The following TMEM135 variants were observed in gnomAD, a reference collection of about 807,000 sequenced individuals.
The protein encoded by TMEM135 is peroxisomal membrane protein 52.
In TMEM135, 30 loss-of-function variants were observed where a neutral mutation model predicts 60.3. That is an observed-to-expected ratio of 0.50 (90% CI 0.37 to 0.68). The LOEUF (loss-of-function observed/expected upper bound fraction) is 0.68. Ranked by LOEUF, TMEM135 falls within the 30% of genes least tolerant of loss-of-function variation. The probability of loss-of-function intolerance (pLI) is 0.00; values close to 1 mark genes in which losing one functional copy is unlikely to be tolerated. For missense variants in TMEM135, 468 were observed against 548.8 expected (o/e 0.85, Z 1.47); for synonymous variants, 190 against 186.7 (o/e 1.02, Z -0.14).
intron 10 of TMEM135, among the ~76,000 whole-genome samples, chr11:87,310,790 A>AT (rs145529285): frequency 8.6e-5 from 13 of 151,202 alleles, no homozygotes; most frequent in East Asian, 5.8e-4. Flanking sequence ...AAAAAAATAG[A>AT]TTTTTTTTTA....
At chr11:87,214,290 G>C (rs1036722645) in intron 5 of TMEM135, among the ~76,000 whole-genome samples, 1 of 152,200 alleles carries the variant, frequency 6.6e-6, no homozygotes, top group African/African-American at 2.4e-5. Flanking sequence ...AGGACCAGCA[G>C]GTGATCCTCT....
chr11:87,055,826 G>A (rs1230542581), intron 1 of TMEM135, among the ~76,000 whole-genome samples: 2 of 152,098 alleles, frequency 1.3e-5, no homozygotes, highest in East Asian at 3.9e-4. Context: ...CTGACCTCAA[G>A]TGATCCACCC....
intron 4 of TMEM135, among the ~76,000 whole-genome samples, chr11:87,155,462 A>C (rs1938668254): frequency 6.6e-6 from 1 of 152,188 alleles, no homozygotes. Context: ...TGTATATGGT[A>C]GAGGTAAAGG....
At chr11:87,236,454 G>A (rs1940997463) in intron 5 of TMEM135, among the ~76,000 whole-genome samples, 184 bp from the exon 6 acceptor site, 1 of 151,996 alleles carries the variant, frequency 6.6e-6, no homozygotes, top group Non-Finnish European at 1.5e-5. Flanking sequence ...CATGCAGCCT[G>A]CAGGCTGCAG....
chr11:87,054,720 T>C (rs563243914), intron 1 of TMEM135, among the ~76,000 whole-genome samples: 2 of 152,322 alleles, frequency 1.3e-5, no homozygotes, highest in South Asian at 4.1e-4. Context: ...ATTCTGCACC[T>C]ATTGCCAGTG....
chr11:87,185,029 C>G (rs796571735), intron 5 of TMEM135, among the ~76,000 whole-genome samples: 2 of 152,152 alleles, frequency 1.3e-5, no homozygotes, highest in Non-Finnish European at 1.5e-5. Context: ...TTTAATAATT[C>G]TCACTGATTG....
intron 4 of TMEM135, among the ~76,000 whole-genome samples, chr11:87,092,379 CAT>C (rs1857227516): frequency 6.6e-6 from 1 of 152,120 alleles, no homozygotes; most frequent in South Asian, 2.1e-4. Context: ...CCTTTTGAGT[CAT>C]AGACCTCTTT....
At chr11:87,318,967 C>T (rs949697103) in intron 13 of TMEM135, 2 of 207,436 alleles carry the variant, frequency 9.6e-6, no homozygotes, top group South Asian at 7.9e-5. Flanking sequence ...CTCCTGGGTT[C>T]AAGTGATTCT....
chr11:87,250,523 T>C (rs1178273342), intron 6 of TMEM135, among the ~76,000 whole-genome samples: 1 of 152,010 alleles, frequency 6.6e-6, no homozygotes, highest in African/African-American at 2.4e-5. Context: ...ATTTTCTTCT[T>C]AATTTTTTCA....
chr11:87,077,706 C>T (rs1018554590), intron 3 of TMEM135, among the ~76,000 whole-genome samples: 4 of 152,114 alleles, frequency 2.6e-5, no homozygotes, highest in African/African-American at 9.7e-5. Flanking sequence ...AATTTTAGAA[C>T]ACTTTATTCA....
intron 4 of TMEM135, among the ~76,000 whole-genome samples, chr11:87,135,722 G>A (rs942818662): frequency 3.3e-5 from 4 of 122,178 alleles, no homozygotes; most frequent in African/African-American, 9.4e-5. Flanking sequence ...ACTGTTGTAG[G>A]TCCTTTGCAT....
intron 10 of TMEM135, among the ~76,000 whole-genome samples, chr11:87,311,467 G>A (rs1942640426): frequency 6.6e-6 from 1 of 151,960 alleles, no homozygotes. Flanking sequence ...TATAGCATTT[G>A]TATTTATTCT....
chr11:87,076,876 TCTC>T (rs1378511138), intron 3 of TMEM135, among the ~76,000 whole-genome samples: 76 of 152,308 alleles, frequency 5.0e-4, no homozygotes, highest in African/African-American at 1.8e-3. Flanking sequence ...CCTGGTCTCT[TCTC>T]CTACTGTGGC....
intron 6 of TMEM135, among the ~76,000 whole-genome samples, chr11:87,254,149 AT>A: frequency 6.6e-6 from 1 of 152,042 alleles, no homozygotes; most frequent in Non-Finnish European, 1.5e-5. Context: ...TAATTTGAGT[AT>A]TTTTTTCATT....
rs1451100254 is a variant in TMEM135, at chr11:87,325,903, C to G, written c.*4570C>G. 2.2e-6 allele frequency: 1 copy of G among 453,662 alleles called. No homozygotes were observed. The highest frequency in any genetic ancestry group is 4.4e-6 in the Non-Finnish European group (1 of 226,762). 28.1% of individuals were successfully genotyped at this position (453,662 alleles called of 1,614,324 possible). A position where few individuals can be genotyped will look rare whatever the true frequency, so the allele number is the denominator to read the frequency against. ...TTTCTCCATTTTTTTTCCATCTGTC[C>G]CTCCTACGAATATGTTTTACATGAA... is the stretch of plus-strand genomic sequence containing the variant. On this transcript the variant is annotated 3_prime_UTR_variant, in exon 15 of 15. Transcript: ENST00000305494.
chr11:87,042,366 G>T (rs919879581), intron 1 of TMEM135, among the ~76,000 whole-genome samples: 1 of 152,206 alleles, frequency 6.6e-6, no homozygotes, highest in Non-Finnish European at 1.5e-5. Flanking sequence ...GTCAAACAAG[G>T]TAGGTCAGAT....
At chr11:87,146,387 G>C (rs770143982) in intron 4 of TMEM135, among the ~76,000 whole-genome samples, 10 of 152,146 alleles carry the variant, frequency 6.6e-5, no homozygotes, top group Admixed American at 3.9e-4. Context: ...ATATGAACCT[G>C]CTTTAGCCTC....
Position 87,289,437 on chromosome 11 carries a change from C to CTTTTT in TMEM135, c.510-6320_510-6316dup, listed in dbSNP as rs376999371. On this transcript the variant is annotated intron_variant, in intron 6 of 14. Transcript: ENST00000305494. ...TATCCTTTAACAAATATCTCCATATCTTTTTTTTTTTTTTTTTTTTTTTTT... is the reference window on the plus strand; with the variant it reads ...TATCCTTTAACAAATATCTCCATATCTTTTTTTTTTTTTTTTTTTTTTTTTTTTTT... Among the ~76,000 whole-genome samples the CTTTTT allele has an allele frequency of 1.5e-3, 127 of 87,552 alleles. 5 individuals carry two copies. Among genetic ancestry groups the CTTTTT allele is most frequent in the East Asian group, 6.2e-3 (11 of 1,776 alleles). The allele number at this position is 87,552 out of a possible 152,430, so 57.4% of individuals were successfully genotyped here. A position where few individuals can be genotyped will look rare whatever the true frequency, so the allele number is the denominator to read the frequency against.
chr11:87,209,641 A>G (rs113270709), intron 5 of TMEM135, among the ~76,000 whole-genome samples: 107 of 152,272 alleles, frequency 7.0e-4, no homozygotes, highest in African/African-American at 2.5e-3. Flanking sequence ...TGAGGCAGAA[A>G]ACTAACAAAG....
Sources: gnomAD v4.1 joint callset for allele counts (sites outside exome capture counted in the v4.1 genomes callset) on GRCh38, gnomAD v4.1.1 for gene constraint, MANE v1.5 for transcripts, NCBI Gene and HGNC (gene_info 2026-07-23, HGNC 2026-07-21) for gene names.